Variants in RAI14 observed in about 807,000 individuals in gnomAD.
RAI14 encodes retinoic acid induced 14, also known as ankycorbin.
RAI14 carries 45 observed loss-of-function variants against 115.4 expected under a neutral mutation model. The ratio of observed to expected loss-of-function variants is 0.39; its 90% CI spans 0.31 to 0.50. The LOEUF (loss-of-function observed/expected upper bound fraction) is 0.50, where lower values mean the gene tolerates loss of function less well. RAI14 is among the 20% of genes least tolerant of loss of function. The probability of loss-of-function intolerance (pLI) is 0.85; values close to 1 mark genes in which losing one functional copy is unlikely to be tolerated. For synonymous variants in RAI14, 371 were observed against 415.4 expected (o/e 0.89, Z 1.30); for missense variants, 939 against 1,131.2 (o/e 0.83, Z 2.44).
chr5:34,816,162 T>G lies in RAI14; in HGVS notation c.939+1493T>G, dbSNP rs542653089. On this transcript the variant is annotated intron_variant, in intron 12 of 17. Coordinates refer to ENST00000265109, the MANE Select transcript of RAI14 (RefSeq NM_015577.3). ...AATTTAGATAGTAGTAATTTACCAATTGACAAATGTATAATGGCTACATCT... is the reference window on the plus strand; with the variant it reads ...AATTTAGATAGTAGTAATTTACCAAGTGACAAATGTATAATGGCTACATCT... Among the ~76,000 whole-genome samples, 3 of 152,330 alleles carry G rather than the reference T, an allele frequency of 2.0e-5. No individual in the cohort carries two copies. The South Asian group carries it at 6.2e-4, about 32-fold the overall frequency.
At chr5:34,724,703 T>C (rs1490563626) in intron 2 of RAI14, among the ~76,000 whole-genome samples, 3 of 152,216 alleles carry the variant, frequency 2.0e-5, no homozygotes, top group African/African-American at 2.4e-5. Flanking sequence ...GAGACTCTGA[T>C]GCATTGCCTT....
At chr5:34,797,727 T>A (rs1753709158) in intron 4 of RAI14, among the ~76,000 whole-genome samples, 1 of 152,326 alleles carries the variant, frequency 6.6e-6, no homozygotes, top group East Asian at 1.9e-4. Context: ...TTATTGTGTT[T>A]GTTTTTAAAG....
intron 2 of RAI14, among the ~76,000 whole-genome samples, chr5:34,720,938 C>T (rs1027718226): frequency 1.3e-4 from 19 of 151,820 alleles, no homozygotes; most frequent in East Asian, 1.9e-4. Flanking sequence ...TAATCCTCCG[C>T]GCTCAGCCTC....
intron 16 of RAI14, among the ~76,000 whole-genome samples, chr5:34,828,787 T>A (rs1757714968): frequency 6.6e-6 from 1 of 152,114 alleles, no homozygotes; most frequent in African/African-American, 2.4e-5. Context: ...GCGGCTGTAT[T>A]GAGGAACCAC....
chr5:34,706,262 T>C (rs940186211), intron 2 of RAI14, among the ~76,000 whole-genome samples: 2 of 152,248 alleles, frequency 1.3e-5, no homozygotes, highest in Admixed American at 6.5e-5. Context: ...AACCTTCATA[T>C]AATTCAGTTT....
In RAI14 at chr5:34,684,388, T is replaced by C. The variant is rs141262511; in HGVS notation, c.-48-2484T>C. ...ATGTGGATTAACTAGGGGCTGACTT[T>C]GAGAAACACTGCCCTGGAATGTGCA... On this transcript the variant is annotated intron_variant, in intron 1 of 17. Transcript: ENST00000265109. 82 of 152,358 alleles carry C rather than the reference T, an allele frequency of 5.4e-4. 1 individual carries two copies. The highest frequency in any genetic ancestry group is 1.9e-3 in the African/African-American group (80 of 41,588). 9.4% of individuals were successfully genotyped at this position (152,358 alleles called of 1,614,324 possible). A position where few individuals can be genotyped will look rare whatever the true frequency, so the allele number is the denominator to read the frequency against.
intron 4 of RAI14, 75 bp from the exon 5 acceptor site, chr5:34,803,637 T>C (rs1231070536): frequency 2.5e-6 from 3 of 1,205,994 alleles, no homozygotes; most frequent in African/African-American, 1.5e-5. Flanking sequence ...AGCTGTCTTC[T>C]CATATATAAG....
chr5:34,717,971 T>G (rs1265811458), intron 2 of RAI14, among the ~76,000 whole-genome samples: 1 of 145,082 alleles, frequency 6.9e-6, no homozygotes, highest in Non-Finnish European at 1.5e-5. Context: ...GCAGAATGTT[T>G]ACTCAGTAGG....
rs549636576 is a variant in RAI14 at position 34,823,387 on chromosome 5, C to A, written c.1545C>A (p.Ser515Arg). 5.6e-6 allele frequency: 9 copies of A among 1,614,034 alleles called. No homozygotes were observed. In the African/African-American group the frequency reaches 9.3e-5, roughly 17 times the overall value. ...QMKLGLVSPE[S>R]MDNYSHFHEL... The stretch of plus-strand genomic sequence containing the variant: ...AACTCGGTCTTGTCTCACCTGAAAG[C>A]ATGGATAATTATTCACATTTCCACG... The change falls in exon 15 of 18, where the codon AGC becomes AGA. Residue 515 changes from serine to arginine, a missense_variant. Coordinates refer to ENST00000265109, the MANE Select transcript of RAI14 (RefSeq NM_015577.3). The surrounding 1 kb of genome is among the most constrained non-coding windows in gnomAD (Gnocchi z 4.5).
chr5:34,808,790 T>G, intron 7 of RAI14, 136 bp downstream of exon 7: 1 of 800,372 alleles, frequency 1.2e-6, no homozygotes, highest in Non-Finnish European at 2.0e-6. Flanking sequence ...TTGAGGAAGA[T>G]AATTTTTCCA....
intron 5 of RAI14, among the ~76,000 whole-genome samples, chr5:34,806,131 A>T (rs775363749): frequency 1.3e-5 from 2 of 152,222 alleles, no homozygotes; most frequent in Non-Finnish European, 2.9e-5. Context: ...ATTTAAGCTG[A>T]GACCTCCCAA....
At chr5:34,668,225 C>G (rs950138813) in intron 1 of RAI14, among the ~76,000 whole-genome samples, 2 of 152,158 alleles carry the variant, frequency 1.3e-5, no homozygotes, top group African/African-American at 4.8e-5. Flanking sequence ...GAAACCCCAT[C>G]TCCACTAAAA....
At chr5:34,781,288 G>A (rs1010840221) in intron 3 of RAI14, among the ~76,000 whole-genome samples, 1 of 151,730 alleles carries the variant, frequency 6.6e-6, no homozygotes, top group Non-Finnish European at 1.5e-5. Flanking sequence ...GAGTTAATGG[G>A]TGCAGCACAC....
chr5:34,780,631 A>C (rs1320673790), intron 3 of RAI14, among the ~76,000 whole-genome samples: 1 of 152,244 alleles, frequency 6.6e-6, no homozygotes, highest in Non-Finnish European at 1.5e-5. Flanking sequence ...AATGCTCATC[A>C]TCACTGGCCA....
chr5:34,668,393 C>CAA (rs34952152), intron 1 of RAI14, among the ~76,000 whole-genome samples: 16 of 121,296 alleles, frequency 1.3e-4, no homozygotes, highest in South Asian at 2.8e-4. Flanking sequence ...GACTCTGTCT[C>CAA]AAAAAAAAAA....
chr5:34,708,862 G>C (rs1741050880), intron 2 of RAI14, among the ~76,000 whole-genome samples: 2 of 152,094 alleles, frequency 1.3e-5, no homozygotes, highest in African/African-American at 4.8e-5. Flanking sequence ...GATAGAACTG[G>C]GCAGCCATGG....
chr5:34,808,579 C>G lies in RAI14; in HGVS notation c.380-5C>G, dbSNP rs1382870663. 2 of 1,613,984 alleles carry G rather than the reference C, an allele frequency of 1.2e-6. No individual in the cohort carries two copies. Among genetic ancestry groups the G allele is most frequent in the South Asian group, 2.2e-5 (2 of 91,068 alleles). On this transcript the variant is annotated splice_region_variant and splice_polypyrimidine_tract_variant and intron_variant, in intron 6 of 17. Transcript: ENST00000265109. ...GCTGTGGTATTTATATTTTCCTTCC[C>G]CCAGCGGCTCAGGGCTGCCTTCAAG...
At chr5:34,816,614 T>G (rs1401778946) in intron 12 of RAI14, among the ~76,000 whole-genome samples, 3 of 152,136 alleles carry the variant, frequency 2.0e-5, no homozygotes, top group Admixed American at 1.3e-4. Context: ...AACATGAAAT[T>G]TCGATATTTT....
chr5:34,688,827 A>C (rs1042673411), intron 2 of RAI14, among the ~76,000 whole-genome samples: 2 of 151,792 alleles, frequency 1.3e-5, no homozygotes, highest in Admixed American at 6.5e-5. Flanking sequence ...ATATGATAAT[A>C]ATGCTAATAA....
Sources: gnomAD v4.1 joint callset for allele counts (sites outside exome capture counted in the v4.1 genomes callset) on GRCh38, gnomAD v4.1.1 for gene constraint, Gnocchi (gnomAD v3.1) non-coding constraint, MANE v1.5 for transcripts, NCBI Gene and HGNC (gene_info 2026-07-23, HGNC 2026-07-21) for gene names.